The following DDR2 variants were observed in gnomAD, a reference collection of about 807,000 sequenced individuals.
DDR2 encodes the protein discoidin domain-containing receptor 2.
In DDR2, 27 loss-of-function variants were observed where a neutral mutation model predicts 94.9. The observed-to-expected ratio is 0.28, with a 90% CI of 0.21 to 0.39. DDR2 has a LOEUF of 0.39. Among genes scored for constraint, DDR2 ranks in the 10% least tolerant of loss-of-function variants. DDR2 has a pLI of 1.00. For synonymous variants in DDR2, 382 were observed against 377.2 expected, an observed-to-expected ratio of 1.01 and a Z score of -0.15; for missense variants, 783 against 1,076.0, an observed-to-expected ratio of 0.73 and a Z score of 3.81.
intron 2 of DDR2, among the ~76,000 whole-genome samples, chr1:162,706,432 G>C (rs747300310): frequency 2.6e-5 from 4 of 152,226 alleles, no homozygotes; most frequent in Non-Finnish European, 4.4e-5. Flanking sequence ...AGGCAAGTCA[G>C]ATAGGAGCAA....
At chr1:162,735,048 T>G (rs1662229842) in intron 3 of DDR2, among the ~76,000 whole-genome samples, 1 of 152,126 alleles carries the variant, frequency 6.6e-6, no homozygotes, top group Non-Finnish European at 1.5e-5. Context: ...GAGGTAGGAT[T>G]TGTAGAACTT....
chr1:162,706,679 G>T (rs900881697), intron 2 of DDR2, among the ~76,000 whole-genome samples: 1 of 152,230 alleles, frequency 6.6e-6, no homozygotes, highest in Non-Finnish European at 1.5e-5. Context: ...ACCTGGGCCA[G>T]AAAGTGGAGA....
intron 1 of DDR2, among the ~76,000 whole-genome samples, chr1:162,644,185 A>T (rs10917577): frequency 6.6e-6 from 1 of 152,034 alleles, no homozygotes. Context: ...ATGTTCTTAC[A>T]TTCTTAAAAA....
chr1:162,668,712 T>C (rs1019016646), intron 2 of DDR2, among the ~76,000 whole-genome samples: 4 of 152,214 alleles, frequency 2.6e-5, no homozygotes, highest in Non-Finnish European at 5.9e-5. Flanking sequence ...CCAATCCAGA[T>C]AACCTCATTT....
At chr1:162,729,124 G>A in intron 3 of DDR2, among the ~76,000 whole-genome samples, 1 of 150,680 alleles carries the variant, frequency 6.6e-6, no homozygotes, top group Non-Finnish European at 1.5e-5. Flanking sequence ...GAGGAAGAAA[G>A]AGAAAAAAAC....
chr1:162,742,972 CT>C (rs1163360282), intron 3 of DDR2, among the ~76,000 whole-genome samples: 1 of 152,100 alleles, frequency 6.6e-6, no homozygotes, highest in Non-Finnish European at 1.5e-5. Flanking sequence ...TTACCTCCCC[CT>C]AGGTCCCTCC....
intron 2 of DDR2, among the ~76,000 whole-genome samples, chr1:162,699,693 C>T (rs992859854): frequency 6.6e-6 from 1 of 151,774 alleles, no homozygotes; most frequent in African/African-American, 2.4e-5. Flanking sequence ...ATGAATTCAG[C>T]TTCTCTTAAT....
intron 2 of DDR2, among the ~76,000 whole-genome samples, chr1:162,699,847 A>G (rs1660350664): frequency 6.6e-6 from 1 of 152,328 alleles, no homozygotes; most frequent in African/African-American, 2.4e-5. Flanking sequence ...ATTCTTAGAC[A>G]TAAACACTGA....
intron 2 of DDR2, among the ~76,000 whole-genome samples, chr1:162,665,631 T>A (rs1009811359): frequency 9.2e-5 from 14 of 151,554 alleles, no homozygotes; most frequent in Admixed American, 2.0e-4. Flanking sequence ...GTCAATGATA[T>A]AACAGATAAT....
At chr1:162,685,728 A>G (rs1404018133) in intron 2 of DDR2, among the ~76,000 whole-genome samples, 2 of 152,178 alleles carry the variant, frequency 1.3e-5, no homozygotes, top group East Asian at 3.9e-4. Context: ...AGTCTTTATT[A>G]AGTAGTTTTT....
At chr1:162,686,238 T>A (rs1427339227) in intron 2 of DDR2, among the ~76,000 whole-genome samples, 1 of 152,140 alleles carries the variant, frequency 6.6e-6, no homozygotes, top group African/African-American at 2.4e-5. Context: ...CTGGGATACA[T>A]GTGCAGAACG....
At chr1:162,641,015 C>G (rs1324297951) in intron 1 of DDR2, among the ~76,000 whole-genome samples, 1 of 152,084 alleles carries the variant, frequency 6.6e-6, no homozygotes, top group African/African-American at 2.4e-5. Flanking sequence ...CTTGGCTTCT[C>G]AAAATGCTAG....
chr1:162,658,171 T>C (rs1248707388), intron 2 of DDR2, among the ~76,000 whole-genome samples: 1 of 152,154 alleles, frequency 6.6e-6, no homozygotes, highest in Non-Finnish European at 1.5e-5. Context: ...GAATGGTGTG[T>C]TTCTCGCAAG....
rs1558057508 is a variant in DDR2 at position 162,741,250 on chromosome 1, AAT to A, written c.83-11844_83-11843del. Among the ~76,000 whole-genome samples, 174 of 94,688 alleles carry A rather than the reference AAT, an allele frequency of 1.8e-3. 1 individual carries two copies. Among genetic ancestry groups the A allele is most frequent in the East Asian group, 6.1e-3 (17 of 2,772 alleles). 62.1% of individuals were successfully genotyped at this position (94,688 alleles called of 152,430 possible). ...AATATAATATAATATAATATAGTAT[AAT>A]GTAATGTAATGTAATATAATATAAT... On this transcript the variant is annotated intron_variant, in intron 3 of 17. Coordinates refer to ENST00000367921, the MANE Select transcript of DDR2 (RefSeq NM_006182.4).
chr1:162,640,483 C>T (rs1657075821), intron 1 of DDR2, among the ~76,000 whole-genome samples: 1 of 152,148 alleles, frequency 6.6e-6, no homozygotes, highest in Non-Finnish European at 1.5e-5. Context: ...ACAATCTGTA[C>T]TTTCTGCTTA....
rs1238126386 is a variant in DDR2, at chr1:162,782,999, C to T, written c.*2753C>T. ...CAAATCCATGCAACCCAACAGAATA[C>T]ATGGTGAGGGCCTAGTATGTAGAAT... On this transcript the variant is annotated 3_prime_UTR_variant, in exon 18 of 18. Coordinates refer to ENST00000367921, the MANE Select transcript of DDR2 (RefSeq NM_006182.4). 4 of 152,040 alleles carry T rather than the reference C, an allele frequency of 2.6e-5. No homozygotes were observed. Among genetic ancestry groups the T allele is most frequent in the Non-Finnish European group, 5.9e-5 (4 of 68,008 alleles). 9.4% of individuals were successfully genotyped at this position (152,040 alleles called of 1,614,324 possible).
chr1:162,754,125 C>G (rs376622687), intron 4 of DDR2, among the ~76,000 whole-genome samples: 16 of 152,126 alleles, frequency 1.1e-4, no homozygotes, highest in African/African-American at 3.9e-4. Context: ...ACATGCTCTT[C>G]CCCCTCATCC....
At position 162,746,021 on chromosome 1, in the gene DDR2, T is replaced by G. The variant is rs145456210; in HGVS notation, c.83-7074T>G. Among the ~76,000 whole-genome samples, 304 of 152,330 alleles carry G rather than the reference T, an allele frequency of 2.0e-3. 1 individual carries two copies. The highest frequency in any genetic ancestry group is 7.1e-3 in the African/African-American group (294 of 41,574). ...TAAAACTTTTTGTTAGATGGCTGAA[T>G]AGGAACAGCTCCAGTCTACAGCTCC... On this transcript the variant is annotated intron_variant, in intron 3 of 17. Coordinates refer to ENST00000367921, the MANE Select transcript of DDR2 (RefSeq NM_006182.4).
intron 3 of DDR2, among the ~76,000 whole-genome samples, chr1:162,746,047 C>T (rs1426748852): frequency 6.6e-6 from 1 of 152,186 alleles, no homozygotes; most frequent in Non-Finnish European, 1.5e-5. Flanking sequence ...CTACAGCTCC[C>T]AGTGTGAGCA....
Sources: allele counts gnomAD v4.1 joint callset (sites outside exome capture counted in the v4.1 genomes callset), GRCh38; gene constraint gnomAD v4.1.1; transcripts MANE v1.5; gene names NCBI Gene and HGNC (gene_info 2026-07-23, HGNC 2026-07-21).